The following CWH43 variants were observed in gnomAD, a reference collection of about 807,000 sequenced individuals.
CWH43 encodes the protein cell wall biogenesis 43 C-terminal homolog.
In CWH43, 91 loss-of-function variants were observed where a neutral mutation model predicts 85.7. The observed-to-expected ratio is 1.06, with a 90% CI of 0.90 to 1.26. The LOEUF is 1.26. CWH43 is among the 50% of genes most tolerant of loss of function. CWH43 has a pLI of 0.00. For missense variants in CWH43, 869 were observed against 839.2 expected, an observed-to-expected ratio of 1.04 and a Z score of -0.44; for synonymous variants, 323 against 293.6, an observed-to-expected ratio of 1.10 and a Z score of -1.02.
chr4:49,019,574 A>C (rs1160581811), intron 9 of CWH43, among the ~76,000 whole-genome samples: 1 of 151,452 alleles, frequency 6.6e-6, no homozygotes, highest in African/African-American at 2.4e-5. Context: ...TTTTAATGTC[A>C]ATAGTTTTTT....
Position 48,986,278 on chromosome 4 carries a change from T to TG in CWH43, c.-150dup. The TG allele has an allele frequency of 2.8e-6, 2 of 715,914 alleles. No individual in the cohort carries two copies. Among genetic ancestry groups the TG allele is most frequent in the Non-Finnish European group, 4.4e-6 (2 of 449,502 alleles). 44.3% of individuals were successfully genotyped at this position (715,914 alleles called of 1,614,324 possible). ...GCCTCGGTTCGGCAAGTGGGTCAGT[T>TG]GGCTGGGGCTCACTTGGCAACGGGA... On this transcript the variant is annotated 5_prime_UTR_variant, in exon 1 of 16. Coordinates refer to ENST00000226432, the MANE Select transcript of CWH43 (RefSeq NM_025087.3).
chr4:49,048,104 C>T (rs1035174341), intron 14 of CWH43, among the ~76,000 whole-genome samples: 5 of 152,032 alleles, frequency 3.3e-5, no homozygotes, highest in Admixed American at 1.3e-4. Context: ...AATGAGATAT[C>T]GGAAATTCTA....
At chr4:49,010,117 T>C (rs1312123631) in intron 8 of CWH43, among the ~76,000 whole-genome samples, 1 of 152,216 alleles carries the variant, frequency 6.6e-6, no homozygotes, top group Non-Finnish European at 1.5e-5. Flanking sequence ...GGACTTTTTT[T>C]GGTTGGTAGG....
At position 49,003,816 on chromosome 4, in the gene CWH43, C is replaced by T. The variant is rs1479974876; in HGVS notation, c.884C>T (p.Ala295Val). 11 of 1,614,010 alleles carry T rather than the reference C, an allele frequency of 6.8e-6. No individual in the cohort carries two copies. The highest frequency in any genetic ancestry group is 9.3e-6 in the Non-Finnish European group (11 of 1,179,924). Reference protein sequence around the residue: ...VSGCVFAIFTASMWPQTLGHL... With the variant: ...VSGCVFAIFTVSMWPQTLGHL... ...GGCTGTGTCTTCGCCATCTTTACTG[C>T]ATCCATGTGGCCCCAAACACTTGGA... is the stretch of plus-strand genomic sequence containing the variant. Residue 295 changes from alanine to valine, a missense_variant, in exon 7 of 16, where the codon GCA (alanine) becomes GTA (valine). Transcript: ENST00000226432.
chr4:49,051,605 C>A (rs1018663200), intron 15 of CWH43, among the ~76,000 whole-genome samples: 1 of 152,080 alleles, frequency 6.6e-6, no homozygotes, highest in African/African-American at 2.4e-5. Context: ...GAGATGGAGT[C>A]TTGCTCTGTC....
intron 14 of CWH43, 30 bp from the exon 15 acceptor site, chr4:49,050,664 T>C (rs2109839640): frequency 6.3e-7 from 1 of 1,580,816 alleles, no homozygotes; most frequent in Non-Finnish European, 8.6e-7. Context: ...ATAATAAAAC[T>C]GTTACAAACC....
chr4:49,002,349 G>A (rs1783016660), intron 6 of CWH43, among the ~76,000 whole-genome samples: 1 of 152,114 alleles, frequency 6.6e-6, no homozygotes, highest in East Asian at 1.9e-4. Flanking sequence ...TTTATCCAGT[G>A]AAGTATTATA....
intron 5 of CWH43, 56 bp from the exon 6 acceptor site, chr4:48,998,404 C>A: frequency 1.5e-6 from 2 of 1,302,792 alleles, no homozygotes; most frequent in Non-Finnish European, 2.2e-6. Flanking sequence ...ATTTTATATT[C>A]GGGATGATGA....
At chr4:49,054,843 GC>G (rs1352379732) in intron 15 of CWH43, among the ~76,000 whole-genome samples, 3 of 151,396 alleles carry the variant, frequency 2.0e-5, no homozygotes, top group African/African-American at 7.3e-5. Context: ...TTTGTATGCC[GC>G]TTTTGTATCC....
chr4:49,006,116 T>G (rs1783148043), intron 7 of CWH43, among the ~76,000 whole-genome samples: 1 of 152,212 alleles, frequency 6.6e-6, no homozygotes, highest in Admixed American at 6.5e-5. Context: ...GTGTACTCTC[T>G]CCTGCTTTGT....
intron 9 of CWH43, among the ~76,000 whole-genome samples, chr4:49,026,306 A>C (rs1252524225): frequency 6.6e-6 from 1 of 152,196 alleles, no homozygotes; most frequent in Admixed American, 6.5e-5. Context: ...AAGCCAACTC[A>C]TAGTTCCTTG....
intron 9 of CWH43, among the ~76,000 whole-genome samples, chr4:49,026,042 G>T (rs2109797890): frequency 6.6e-6 from 1 of 152,322 alleles, no homozygotes; most frequent in South Asian, 2.1e-4. Flanking sequence ...TGGGAGATGG[G>T]TGTGTGGATC....
chr4:48,990,389 G>A (rs1472850961), intron 2 of CWH43, among the ~76,000 whole-genome samples: 1 of 152,112 alleles, frequency 6.6e-6, no homozygotes, highest in Non-Finnish European at 1.5e-5. Context: ...GCTAAAGTAA[G>A]CCACGATTTG....
At chr4:49,027,366 A>G (rs1176539924) in intron 9 of CWH43, among the ~76,000 whole-genome samples, 5 of 152,208 alleles carry the variant, frequency 3.3e-5, no homozygotes, top group Non-Finnish European at 7.3e-5. Flanking sequence ...ATTTCCTGAG[A>G]AGAATGAAGG....
intron 15 of CWH43, among the ~76,000 whole-genome samples, chr4:49,056,811 G>A (rs572572099): frequency 4.8e-4 from 73 of 152,038 alleles, no homozygotes; most frequent in African/African-American, 1.4e-3. Context: ...TTTTAAAACC[G>A]TGTTTGCTAC....
At chr4:49,040,053 T>C (rs1419969266) in intron 13 of CWH43, among the ~76,000 whole-genome samples, 2 of 152,214 alleles carry the variant, frequency 1.3e-5, no homozygotes, top group African/African-American at 2.4e-5. Context: ...GTTTCATCCA[T>C]GTCCCTACAA....
At chr4:49,042,975 T>C (rs1202936739) in intron 13 of CWH43, among the ~76,000 whole-genome samples, 3 of 152,182 alleles carry the variant, frequency 2.0e-5, no homozygotes, top group South Asian at 4.1e-4. Context: ...GGCTTACTTA[T>C]GGCAGGAGGG....
rs2605240 is a variant in CWH43, at chr4:49,030,260, T to C, written c.1373-565T>C. Among the ~76,000 whole-genome samples the C allele has an allele frequency of 9.6e-3, 1,465 of 152,320 alleles. 11 individuals are homozygous for C. Among genetic ancestry groups the C allele is most frequent in the South Asian group, 0.018 (88 of 4,822 alleles). On this transcript the variant is annotated intron_variant, in intron 10 of 15. Transcript: ENST00000226432. ...CCAACTACGGGTGTATGGAGCAGGA[T>C]AAGTAAAGGACTAACCTGTTCTGGT...
intron 6 of CWH43, among the ~76,000 whole-genome samples, chr4:48,999,825 A>G (rs1782932857): frequency 6.6e-6 from 1 of 152,102 alleles, no homozygotes; most frequent in Non-Finnish European, 1.5e-5. Flanking sequence ...TGTAGGGTCC[A>G]TGTCTGCTTA....
Sources: gnomAD v4.1 joint callset for allele counts (sites outside exome capture counted in the v4.1 genomes callset) on GRCh38, gnomAD v4.1.1 for gene constraint, MANE v1.5 for transcripts, NCBI Gene and HGNC (gene_info 2026-07-23, HGNC 2026-07-21) for gene names.